Variants in OIT3 observed in about 807,000 individuals in gnomAD.
OIT3 encodes the protein oncoprotein-induced transcript 3 protein.
A neutral mutation model predicts 52.2 loss-of-function variants in OIT3; 41 were observed. The ratio of observed to expected loss-of-function variants is 0.79; its 90% CI spans 0.61 to 1.02. OIT3 has a LOEUF of 1.02. Among genes scored for constraint, OIT3 ranks in the 50% least tolerant of loss-of-function variants. The probability of loss-of-function intolerance (pLI) is 0.00; values close to 1 mark genes in which losing one functional copy is unlikely to be tolerated. For synonymous variants in OIT3, 244 were observed against 276.9 expected (o/e 0.88, Z 1.18); for missense variants, 634 against 715.5 (o/e 0.89, Z 1.30).
chr10:72,924,369 T>C lies in OIT3; in HGVS notation c.1092T>C (p.Ile364=). 6.2e-7 allele frequency: 1 copy of C among 1,614,102 alleles called. No homozygotes were observed. The highest frequency in any genetic ancestry group is 8.5e-7 in the Non-Finnish European group (1 of 1,180,000). Residue 364 remains isoleucine, a synonymous_variant, in exon 7 of 9, where the codon ATT becomes ATC. Transcript: ENST00000334011. ...VTCEFPRLYT[I]SEGYVPNLRN... The stretch of plus-strand genomic sequence containing the variant: ...GCGAGTTTCCACGCCTGTACACCAT[T>C]TCTGAAGGATACGTTCCCAACCTTC...
chr10:72,923,755 C>A (rs1035596240), intron 6 of OIT3, among the ~76,000 whole-genome samples: 2 of 152,206 alleles, frequency 1.3e-5, no homozygotes, highest in Non-Finnish European at 2.9e-5. Context: ...TGTGGCCATG[C>A]TTTCCTAGAG....
At position 72,932,854 on chromosome 10, in the gene OIT3, G is replaced by GGTAT. The variant is rs1459976775; in HGVS notation, c.*331_*334dup. 4.5e-6 allele frequency: 1 copy of GGTAT among 223,974 alleles called. No homozygotes were observed. Among genetic ancestry groups the GGTAT allele is most frequent in the Non-Finnish European group, 8.6e-6 (1 of 115,742 alleles). The allele number at this position is 223,974 out of a possible 1,614,324, so 13.9% of individuals were successfully genotyped here. A position where few individuals can be genotyped will look rare whatever the true frequency, so the allele number is the denominator to read the frequency against. ...AATCAGACCACAAAATCAGAAGCTGGGTATAATATTTCAAGTTACAAACCC... is the reference window on the plus strand; with the variant it reads ...AATCAGACCACAAAATCAGAAGCTGGGTATGTATAATATTTCAAGTTACAAACCC... On this transcript the variant is annotated 3_prime_UTR_variant, in exon 9 of 9. Transcript: ENST00000334011.
At chr10:72,917,078 A>G (rs1360158189) in intron 6 of OIT3, among the ~76,000 whole-genome samples, 1 of 152,116 alleles carries the variant, frequency 6.6e-6, no homozygotes, top group Non-Finnish European at 1.5e-5. Context: ...GACCTTCATC[A>G]GAGAAAAAAA....
chr10:72,924,226 C>A lies in OIT3; in HGVS notation c.952-3C>A. 1 of 1,585,942 alleles carries A rather than the reference C, an allele frequency of 6.3e-7. No individual in the cohort carries two copies. Among genetic ancestry groups the A allele is most frequent in the South Asian group, 1.1e-5 (1 of 87,392 alleles). On this transcript the variant is annotated splice_polypyrimidine_tract_variant and splice_region_variant and intron_variant, in intron 6 of 8. Transcript: ENST00000334011. ...TTCCTCTCCTCACCCTGGCCTGGCT[C>A]AGGTGGTGAATGACAAGATTGTGGC...
intron 3 of OIT3, among the ~76,000 whole-genome samples, chr10:72,901,390 A>G (rs1845933825): frequency 6.6e-6 from 1 of 152,178 alleles, no homozygotes; most frequent in South Asian, 2.1e-4. Flanking sequence ...TGTTGTCTAT[A>G]ACTAGAAGAG....
At position 72,900,439 on chromosome 10, in the gene OIT3, T is replaced by C. The variant is rs1287756062; in HGVS notation, c.499T>C (p.Cys167Arg). 1 of 1,612,496 alleles carries C rather than the reference T, an allele frequency of 6.2e-7. No individual in the cohort carries two copies. The highest frequency in any genetic ancestry group is 8.5e-7 in the Non-Finnish European group (1 of 1,178,600). ...GSCSDTSECT[C>R]APGTVLGPDR... ...CTGCTCAGATACCAGCGAGTGCACA[T>C]GCGCTCCAGGAACTGTGCTAGGCCC... Residue 167 changes from cysteine (C) to arginine (R), a missense_variant, in exon 3 of 9, where the codon TGC becomes CGC. Cys to Arg is a radical substitution (Grantham distance 180). Coordinates refer to ENST00000334011, the MANE Select transcript of OIT3 (RefSeq NM_152635.3).
chr10:72,906,741 C>A, intron 4 of OIT3, 23 bp downstream of exon 4: 1 of 1,533,678 alleles, frequency 6.5e-7, no homozygotes, highest in Admixed American at 2.0e-5. Flanking sequence ...AAAAAGGGAC[C>A]CAAATCAAGA....
At chr10:72,906,304 A>G (rs1468889343) in intron 3 of OIT3, among the ~76,000 whole-genome samples, 1 of 152,226 alleles carries the variant, frequency 6.6e-6, no homozygotes, top group Non-Finnish European at 1.5e-5. Context: ...ACCAATACAA[A>G]TAGGTAGGTG....
chr10:72,927,807 G>A (rs1017357337), intron 7 of OIT3, among the ~76,000 whole-genome samples: 3 of 151,988 alleles, frequency 2.0e-5, no homozygotes, highest in African/African-American at 4.8e-5. Context: ...CTTCTTCCCC[G>A]CCTTTTCTTC....
chr10:72,923,236 G>A (rs1285534155), intron 6 of OIT3, among the ~76,000 whole-genome samples: 1 of 152,082 alleles, frequency 6.6e-6, no homozygotes, highest in East Asian at 1.9e-4. Context: ...TGGTTTGCTG[G>A]GCATCTGCTC....
intron 6 of OIT3, among the ~76,000 whole-genome samples, chr10:72,920,909 G>C (rs562037563): frequency 6.6e-6 from 1 of 152,284 alleles, no homozygotes; most frequent in East Asian, 1.9e-4. Context: ...TGTTGTTTTG[G>C]GGTGGAGACT....
intron 4 of OIT3, among the ~76,000 whole-genome samples, chr10:72,907,719 A>T: frequency 6.6e-6 from 1 of 152,132 alleles, no homozygotes; most frequent in Non-Finnish European, 1.5e-5. Context: ...TTTATGGGAG[A>T]GGAATACAGT....
At chr10:72,913,505 A>G in intron 6 of OIT3, 37 bp downstream of exon 6, 1 of 1,554,108 alleles carries the variant, frequency 6.4e-7, no homozygotes, top group South Asian at 1.1e-5. Context: ...GGAATGACCA[A>G]AAGCCGGTTA....
At chr10:72,923,656 A>G (rs919383247) in intron 6 of OIT3, among the ~76,000 whole-genome samples, 1 of 152,216 alleles carries the variant, frequency 6.6e-6, no homozygotes, top group African/African-American at 2.4e-5. Flanking sequence ...GCTGACCTGA[A>G]CACACCTATA....
Position 72,917,819 on chromosome 10 carries a change from A to G in OIT3, c.951+4351A>G, listed in dbSNP as rs1846086254. The G allele has an allele frequency of 2.8e-6, 4 of 1,431,588 alleles. No homozygotes were observed. The Admixed American group carries it at 6.7e-5, about 24-fold the overall frequency. The allele number at this position is 1,431,588 out of a possible 1,614,324, so 88.7% of individuals were successfully genotyped here. ...AACTAGGTCCTTTTGGTGTTTTAGG[A>G]GTTTTTTCCTGTTTTTTGAAGGATT... On this transcript the variant is annotated intron_variant, in intron 6 of 8. Coordinates refer to ENST00000334011, the MANE Select transcript of OIT3 (RefSeq NM_152635.3).
intron 1 of OIT3, among the ~76,000 whole-genome samples, chr10:72,898,005 C>T (rs770283493): frequency 3.3e-5 from 5 of 151,780 alleles, no homozygotes; most frequent in African/African-American, 7.3e-5. Context: ...AGTCTCCGGC[C>T]GAGCACCAGA....
intron 2 of OIT3, 116 bp downstream of exon 2, chr10:72,899,154 T>C (rs945699097): frequency 1.5e-5 from 13 of 877,568 alleles, no homozygotes; most frequent in East Asian, 1.5e-4. Flanking sequence ...CTGAACAACA[T>C]TGATGTGGGG....
intron 4 of OIT3, among the ~76,000 whole-genome samples, chr10:72,910,162 C>T (rs544383682): frequency 6.6e-6 from 1 of 152,124 alleles, no homozygotes; most frequent in East Asian, 1.9e-4. Flanking sequence ...TTTAGTGCAA[C>T]CTCTTCATTT....
intron 2 of OIT3, 84 bp from the exon 3 acceptor site, chr10:72,900,292 CG>C: frequency 3.3e-5 from 24 of 731,446 alleles, no homozygotes; most frequent in South Asian, 1.2e-4. Context: ...CCACCCCCCC[CG>C]ACCCCCCGCA....
Sources: gnomAD v4.1 joint callset for allele counts (sites outside exome capture counted in the v4.1 genomes callset) on GRCh38, gnomAD v4.1.1 for gene constraint, MANE v1.5 for transcripts, NCBI Gene and HGNC (gene_info 2026-07-23, HGNC 2026-07-21) for gene names.